The following PDE1A variants were observed in gnomAD, a reference collection of about 807,000 sequenced individuals.
PDE1A encodes the protein dual specificity calcium/calmodulin-dependent 3',5'-cyclic nucleotide phosphodiesterase 1A.
In PDE1A, 35 loss-of-function variants were observed where a neutral mutation model predicts 61.7. The observed-to-expected ratio is 0.57, with a 90% CI of 0.43 to 0.75. PDE1A has a LOEUF of 0.75. Among genes scored for constraint, PDE1A ranks in the 30% least tolerant of loss-of-function variants. The probability of loss-of-function intolerance (pLI) is 0.00; values close to 1 mark genes in which losing one functional copy is unlikely to be tolerated. For synonymous variants in PDE1A, 232 were observed against 213.2 expected (o/e 1.09, Z -0.77); for missense variants, 597 against 630.6 (o/e 0.95, Z 0.57).
the PDE1A span, among the ~76,000 whole-genome samples, chr2:182,553,248 C>G: frequency 6.6e-5 from 10 of 152,210 alleles, no homozygotes; most frequent in Non-Finnish European, 8.8e-5. Context: ...GGCCCACCAC[C>G]ATCTTGGAAG....
the PDE1A span, among the ~76,000 whole-genome samples, chr2:182,563,167 T>C: frequency 6.6e-6 from 1 of 152,218 alleles, no homozygotes; most frequent in African/African-American, 2.4e-5. Context: ...ATTTTGGATC[T>C]TTCCTGCTTT....
At chr2:182,701,656 G>A in the PDE1A span, among the ~76,000 whole-genome samples, 1 of 152,078 alleles carries the variant, frequency 6.6e-6, no homozygotes, top group East Asian at 1.9e-4. Context: ...TTACAGGTGT[G>A]GGCCACTGTG....
intron 1 of PDE1A, among the ~76,000 whole-genome samples, chr2:182,318,255 C>G (rs1696471781): frequency 6.6e-6 from 1 of 152,104 alleles, no homozygotes; most frequent in South Asian, 2.1e-4. Context: ...GTTTGTAACA[C>G]AAATCAAATT....
the PDE1A span, among the ~76,000 whole-genome samples, chr2:182,565,980 A>G: frequency 2.0e-5 from 3 of 152,174 alleles, no homozygotes; most frequent in African/African-American, 7.2e-5. Context: ...GACTTGGATC[A>G]GACATGTAGA....
chr2:182,422,502 C>A (rs1306738214), intron 1 of PDE1A, among the ~76,000 whole-genome samples: 1 of 152,068 alleles, frequency 6.6e-6, no homozygotes, highest in Non-Finnish European at 1.5e-5. Flanking sequence ...TTTACTGGTG[C>A]AATTTTACTA....
chr2:182,643,907 G>A, the PDE1A span, among the ~76,000 whole-genome samples: 1 of 151,876 alleles, frequency 6.6e-6, no homozygotes, highest in African/African-American at 2.4e-5. Context: ...TTATTAATTA[G>A]GCCAGGAATT....
chr2:182,203,082 G>A (rs965064920), intron 8 of PDE1A, among the ~76,000 whole-genome samples: 8 of 152,244 alleles, frequency 5.3e-5, no homozygotes, highest in South Asian at 4.1e-4. Context: ...TTGGGAGGCC[G>A]AGGCGGGTGG....
At chr2:182,619,343 T>C in the PDE1A span, among the ~76,000 whole-genome samples, 18 of 152,102 alleles carry the variant, frequency 1.2e-4, no homozygotes, top group African/African-American at 4.1e-4. Flanking sequence ...AAAAACGCTA[T>C]AGATCCCTCA....
intron 1 of PDE1A, among the ~76,000 whole-genome samples, chr2:182,395,543 C>T (rs1170962887): frequency 1.3e-5 from 2 of 152,204 alleles, no homozygotes; most frequent in African/African-American, 4.8e-5. Flanking sequence ...CATTTGGCCC[C>T]TCCTACAACT....
At chr2:182,340,184 T>C (rs1189220766) in intron 1 of PDE1A, among the ~76,000 whole-genome samples, 1 of 152,188 alleles carries the variant, frequency 6.6e-6, no homozygotes, top group Non-Finnish European at 1.5e-5. Context: ...ATGGCTGCTT[T>C]TAAGGTCATT....
the PDE1A span, among the ~76,000 whole-genome samples, chr2:182,649,903 C>T: frequency 6.6e-6 from 1 of 151,990 alleles, no homozygotes; most frequent in African/African-American, 2.4e-5. Flanking sequence ...CCACTGTGCC[C>T]GGCCTACAAA....
At chr2:182,468,665 T>C (rs921783744) in intron 2 of PDE1A, among the ~76,000 whole-genome samples, 1 of 151,974 alleles carries the variant, frequency 6.6e-6, no homozygotes, top group Non-Finnish European at 1.5e-5. Flanking sequence ...GCAAATCCTA[T>C]CCAGAAGGTT....
intron 10 of PDE1A, among the ~76,000 whole-genome samples, chr2:182,189,740 T>A (rs529718921): frequency 1.3e-5 from 2 of 152,314 alleles, no homozygotes; most frequent in East Asian, 3.9e-4. Flanking sequence ...TGAGAAGTAA[T>A]TAAATTTTCA....
At chr2:182,672,641 GGCAGCCTTTCCTGGA>G in the PDE1A span, among the ~76,000 whole-genome samples, 1 of 152,200 alleles carries the variant, frequency 6.6e-6, no homozygotes, top group African/African-American at 2.4e-5. Context: ...GACAAATGTG[GGCAGCCTTTCCTGGA>G]GCACATTGAC....
In PDE1A at chr2:182,362,793, T is replaced by C. The variant is rs183903121; in HGVS notation, c.53+63785A>G. 2.6e-5 allele frequency among the ~76,000 whole-genome samples: 4 copies of C among 152,086 alleles called. No individual in the cohort carries two copies. In the East Asian group the frequency reaches 5.8e-4, roughly 22 times the overall value. ...CTATTCATTGCAGCACTATTCACAA[T>C]AGCAAAGACATAGAATCAACCTAAA... is the stretch of plus-strand genomic sequence containing the variant. On this transcript the variant is annotated intron_variant, in intron 1 of 13. Coordinates refer to ENST00000351439, the Ensembl canonical transcript of PDE1A.
At chr2:182,560,153 A>G in the PDE1A span, among the ~76,000 whole-genome samples, 5 of 150,918 alleles carry the variant, frequency 3.3e-5, no homozygotes, top group South Asian at 2.1e-4. Flanking sequence ...ATGCTGGTGT[A>G]CTGCACCCAT....
At chr2:182,542,443 T>C in the PDE1A span, among the ~76,000 whole-genome samples, 1 of 152,190 alleles carries the variant, frequency 6.6e-6, no homozygotes, top group Non-Finnish European at 1.5e-5. Context: ...TGAAGATGTA[T>C]GAAAATATCT....
At chr2:182,593,918 A>G in the PDE1A span, among the ~76,000 whole-genome samples, 2 of 152,304 alleles carry the variant, frequency 1.3e-5, no homozygotes, top group Admixed American at 1.3e-4. Context: ...CATTTGTGAA[A>G]CTTCAAATAA....
At chr2:182,559,312 T>C in the PDE1A span, among the ~76,000 whole-genome samples, 3 of 152,176 alleles carry the variant, frequency 2.0e-5, no homozygotes, top group Non-Finnish European at 4.4e-5. Flanking sequence ...GTGGCTAGAT[T>C]ATACAGAGGT....
Sources: gnomAD v4.1 joint callset for allele counts (sites outside exome capture counted in the v4.1 genomes callset) on GRCh38, gnomAD v4.1.1 for gene constraint, MANE v1.5 for transcripts, NCBI Gene and HGNC (gene_info 2026-07-23, HGNC 2026-07-21) for gene names.